Variants in ICE1 observed in about 807,000 individuals in gnomAD.
ICE1 encodes the protein little elongation complex subunit 1.
ICE1 carries 64 observed loss-of-function variants against 192.7 expected under a neutral mutation model. The observed-to-expected ratio is 0.33, with a 90% CI of 0.27 to 0.41. The LOEUF is 0.41. ICE1 is among the 10% of genes least tolerant of loss of function. The pLI is 1.00. For synonymous variants in ICE1, 1,010 were observed against 984.5 expected (o/e 1.03, Z -0.49); for missense variants, 2,708 against 2,696.0 (o/e 1.00, Z -0.10).
chr5:5,458,128 T>C (rs1464925612), intron 12 of ICE1, among the ~76,000 whole-genome samples: 1 of 152,232 alleles, frequency 6.6e-6, no homozygotes, highest in Admixed American at 6.5e-5. Flanking sequence ...CTTAACCTGG[T>C]GTAGCCGAGT....
rs147015569 is a variant in ICE1 at position 5,489,738 on chromosome 5, A to G, written c.*408A>G. ...CTGTTGTTGTTGGACTTGTGTTCCA[A>G]TGAGTGACTAGGAAAAAATAAATTG... On this transcript the variant is annotated 3_prime_UTR_variant, in exon 19 of 19. Transcript: ENST00000296564. The G allele has an allele frequency of 5.3e-4, 82 of 154,294 alleles. No homozygotes were observed. Among genetic ancestry groups the G allele is most frequent in the African/African-American group, 6.0e-4 (25 of 41,650 alleles). 9.6% of individuals were successfully genotyped at this position (154,294 alleles called of 1,614,324 possible). A position where few individuals can be genotyped will look rare whatever the true frequency, so the allele number is the denominator to read the frequency against.
intron 15 of ICE1, among the ~76,000 whole-genome samples, chr5:5,472,315 G>A (rs1739185262): frequency 6.6e-6 from 1 of 152,088 alleles, no homozygotes; most frequent in Non-Finnish European, 1.5e-5. Context: ...TGTTAAACAT[G>A]TCTAATTAAA....
chr5:5,444,672 A>G (rs1312997568), intron 7 of ICE1, among the ~76,000 whole-genome samples: 1 of 152,188 alleles, frequency 6.6e-6, no homozygotes, highest in African/African-American at 2.4e-5. Flanking sequence ...TGAAATAAGT[A>G]GCTGGTGGAA....
At chr5:5,479,278 G>T (rs1000173559) in intron 17 of ICE1, among the ~76,000 whole-genome samples, 5 of 152,126 alleles carry the variant, frequency 3.3e-5, no homozygotes, top group Non-Finnish European at 5.9e-5. Flanking sequence ...CAAAAAGTGG[G>T]CAAAGGATAC....
Position 5,461,277 on chromosome 5 carries a change from C to T in ICE1, c.1943C>T (p.Ser648Phe). 2 of 1,613,706 alleles carry T rather than the reference C, an allele frequency of 1.2e-6. No individual in the cohort carries two copies. The highest frequency in any genetic ancestry group is 2.2e-5 in the East Asian group (1 of 44,878). The change falls in exon 13 of 19, where the codon TCT becomes TTT. Residue 648 changes from serine (S) to phenylalanine (F), a missense_variant. By Grantham distance (155) the Ser-to-Phe change is radical (BLOSUM62 -2). Coordinates refer to ENST00000296564, the MANE Select transcript of ICE1 (RefSeq NM_015325.3). The stretch of plus-strand genomic sequence containing the variant: ...TCTGTTGGCAGTAATCCCCAGTCTT[C>T]TTCTGGGTTAGACTGTGGTAATGAT... ...ALSVGSNPQS[S>F]SGLDCGNDTD...
chr5:5,482,519 T>TG (rs1200325384), intron 17 of ICE1, among the ~76,000 whole-genome samples: 1 of 152,076 alleles, frequency 6.6e-6, no homozygotes, highest in Non-Finnish European at 1.5e-5. Context: ...AAGATGGGTG[T>TG]GGGGAGGCTG....
rs1333467804 is a variant in ICE1 at position 5,464,079 on chromosome 5, A to C, written c.4745A>C (p.Glu1582Ala). Residue 1582 changes from glutamate to alanine, a missense_variant, in exon 13 of 19, where the codon GAA becomes GCA. By Grantham distance (107) the Glu-to-Ala change is moderately radical. Around this residue, in one of 2 missense-constraint regions of ICE1, gnomAD observed 2,366 missense variants for 2,276.6 expected, o/e 1.04. Transcript: ENST00000296564. This position sits in a 1 kb window ranked among gnomAD's most constrained non-coding sequence, Gnocchi z 4.0. ...ASSRVETHQS[E>A]VAQSFSGEKA... ...AGCAGAGTTGAAACTCATCAGAGTGAAGTTGCTCAGTCATTTTCAGGGGAA... is the reference window on the plus strand; with the variant it reads ...AGCAGAGTTGAAACTCATCAGAGTGCAGTTGCTCAGTCATTTTCAGGGGAA... The C allele has an allele frequency of 3.1e-6, 5 of 1,613,538 alleles. No individual in the cohort carries two copies. The highest frequency in any genetic ancestry group is 4.2e-6 in the Non-Finnish European group (5 of 1,179,908).
intron 16 of ICE1, among the ~76,000 whole-genome samples, chr5:5,475,515 T>G (rs1739283285): frequency 6.6e-6 from 1 of 152,254 alleles, no homozygotes; most frequent in African/African-American, 2.4e-5. Flanking sequence ...TTTATCCATC[T>G]AAAGTGTTAT....
Position 5,464,833 on chromosome 5 carries a change from G to C in ICE1, c.5499G>C (p.Gly1833=). The C allele has an allele frequency of 1.2e-6, 2 of 1,613,432 alleles. No individual in the cohort carries two copies. Among genetic ancestry groups the C allele is most frequent in the Non-Finnish European group, 1.7e-6 (2 of 1,179,602 alleles). ...TGGGGACTCAGCAGGATTCAAGCGG[G>C]AAAAGAACACTGTCAACGTCTACAC... The part of the protein sequence containing the change: ...RDLGTQQDSS[G]KRTLSTSTLR... The change falls in exon 13 of 19, where the codon GGG becomes GGC. Residue 1833 remains glycine (G), a synonymous_variant. Transcript: ENST00000296564. The surrounding 1 kb of genome is among the most constrained non-coding windows in gnomAD (Gnocchi z 4.0).
At chr5:5,459,243 G>GA (rs1185140649) in intron 12 of ICE1, among the ~76,000 whole-genome samples, 6 of 152,192 alleles carry the variant, frequency 3.9e-5, no homozygotes. Flanking sequence ...GAACTGGTTT[G>GA]AAAAATGTTA....
rs1738259955 is a variant in ICE1, at chr5:5,447,328, G to A, written c.425-99G>A. The A allele has an allele frequency of 2.0e-5, 15 of 762,478 alleles. No homozygotes were observed. The South Asian group carries it at 3.2e-4, about 16-fold the overall frequency. The allele number at this position is 762,478 out of a possible 1,614,324, so 47.2% of individuals were successfully genotyped here. A position where few individuals can be genotyped will look rare whatever the true frequency, so the allele number is the denominator to read the frequency against. On this transcript the variant is annotated intron_variant, in intron 7 of 18. Coordinates refer to ENST00000296564, the MANE Select transcript of ICE1 (RefSeq NM_015325.3). ...TTTATTTCAAACTTTTAAGAAATGA[G>A]AAAAACTTGTAATAGATAAGATTTT...
rs763295334 is a variant in ICE1 at position 5,447,881 on chromosome 5, T to C, written c.588T>C (p.Tyr196=). ...HIGTQISSDS[Y]GSIDKRKVKL... is the part of the protein sequence containing the mutation. The stretch of plus-strand genomic sequence containing the variant: ...GAACACAAATTTCAAGTGATTCATA[T>C]GGAAGCATAGATAAAAGTGAGTATA... The change falls in exon 10 of 19, where the codon TAT becomes TAC. Residue 196 remains tyrosine, a synonymous_variant. Transcript: ENST00000296564. 1.3e-5 allele frequency: 20 copies of C among 1,573,562 alleles called. No homozygotes were observed. Among genetic ancestry groups the C allele is most frequent in the Non-Finnish European group, 1.5e-5 (17 of 1,156,962 alleles).
chr5:5,440,874 C>T (rs141623393), intron 4 of ICE1, among the ~76,000 whole-genome samples: 36 of 150,812 alleles, frequency 2.4e-4, no homozygotes, highest in African/African-American at 8.5e-4. Flanking sequence ...ATATTCCAGC[C>T]CAGGAGACAG....
At chr5:5,432,062 A>C (rs934268969) in intron 1 of ICE1, among the ~76,000 whole-genome samples, 8 of 152,256 alleles carry the variant, frequency 5.3e-5, no homozygotes, top group African/African-American at 1.9e-4. Flanking sequence ...TTTACATATA[A>C]AATTCTGCCT....
At chr5:5,435,790 C>T (rs755480160) in intron 1 of ICE1, among the ~76,000 whole-genome samples, 3 of 151,396 alleles carry the variant, frequency 2.0e-5, no homozygotes, top group Non-Finnish European at 4.4e-5. Flanking sequence ...CTGCCTCAGC[C>T]TCCTGAGTAG....
intron 17 of ICE1, among the ~76,000 whole-genome samples, chr5:5,485,019 G>T (rs1346229577): frequency 5.3e-5 from 8 of 152,060 alleles, no homozygotes; most frequent in Admixed American, 4.6e-4. Context: ...GTAAGGGAAG[G>T]CTGCGAGTGT....
At position 5,486,732 on chromosome 5, in the gene ICE1, C is replaced by G. The variant is rs2111409098; in HGVS notation, c.6532C>G (p.Gln2178Glu). 2 of 1,597,348 alleles carry G rather than the reference C, an allele frequency of 1.3e-6. No individual in the cohort carries two copies. The highest frequency in any genetic ancestry group is 1.7e-6 in the Non-Finnish European group (2 of 1,170,862). ...SILRLIGRLG[Q>E]LGLKEGFPSA... ...TTTGTTTCCCCTAGGTCGTTTAGGC[C>G]AATTGGGTTTGAAAGAAGGATTTCC... Residue 2178 changes from glutamine to glutamate, a missense_variant, in exon 18 of 19, where the codon CAA (glutamine) becomes GAA (glutamate). Around this residue, in one of 2 missense-constraint regions of ICE1, gnomAD observed 342 missense variants for 419.3 expected, o/e 0.82. Coordinates refer to ENST00000296564, the MANE Select transcript of ICE1 (RefSeq NM_015325.3).
In ICE1 at chr5:5,461,701, T is replaced by G; in HGVS notation, c.2367T>G (p.Thr789=). 1 of 1,613,866 alleles carries G rather than the reference T, an allele frequency of 6.2e-7. No homozygotes were observed. Among genetic ancestry groups the G allele is most frequent in the Non-Finnish European group, 8.5e-7 (1 of 1,179,846 alleles). ...GTGGTTTGGGTTTTGTTAAAAGTAC[T>G]TCATGGCACCATAGTGATTTATTAA... ...IKSGLGFVKS[T]SWHHSDLLRK... is the part of the protein sequence containing the mutation. The change falls in exon 13 of 19, where the codon ACT becomes ACG. Residue 789 remains threonine, a synonymous_variant. Coordinates refer to ENST00000296564, the MANE Select transcript of ICE1 (RefSeq NM_015325.3).
chr5:5,483,830 A>C (rs2111406679), intron 17 of ICE1, among the ~76,000 whole-genome samples: 1 of 152,358 alleles, frequency 6.6e-6, no homozygotes, highest in South Asian at 2.1e-4. Flanking sequence ...GCCATTATTC[A>C]GTGATTTCTA....
Sources: gnomAD v4.1 joint callset for allele counts (sites outside exome capture counted in the v4.1 genomes callset) on GRCh38, gnomAD v4.1.1 for gene constraint, gnomAD v4.1.1 regional missense constraint, Gnocchi (gnomAD v3.1) non-coding constraint, MANE v1.5 for transcripts, NCBI Gene and HGNC (gene_info 2026-07-23, HGNC 2026-07-21) for gene names.